SOS1: variants seen among roughly 807,000 people sequenced by gnomAD.
SOS1 encodes the protein son of sevenless homolog 1.
Under a neutral mutation model 157.6 loss-of-function variants are expected in SOS1, and 25 were observed. That is an observed-to-expected ratio of 0.16 (90% CI 0.12 to 0.22). The LOEUF (loss-of-function observed/expected upper bound fraction) is 0.22. Ranked by LOEUF, SOS1 falls within the 10% of genes least tolerant of loss-of-function variation. SOS1 has a pLI of 1.00. For synonymous variants in SOS1, 528 were observed against 534.0 expected (o/e 0.99, Z 0.16); for missense variants, 1,237 against 1,599.1 (o/e 0.77, Z 3.86).
chr2:39,005,119 C>CACAT (rs1437030453), intron 17 of SOS1, among the ~76,000 whole-genome samples: 1 of 152,240 alleles, frequency 6.6e-6, no homozygotes, highest in South Asian at 2.1e-4. Context: ...CATACATATA[C>CACAT]ACATACATAC....
chr2:39,088,313 G>C (rs2148182886), intron 1 of SOS1, among the ~76,000 whole-genome samples: 1 of 150,038 alleles, frequency 6.7e-6, no homozygotes, highest in African/African-American at 2.5e-5. Flanking sequence ...CGAAGGAAGT[G>C]ACTTTTTTTT....
Position 39,006,619 on chromosome 2 carries a change from A to AT in SOS1, c.2674-91_2674-90insA, listed in dbSNP as rs1669290651. ...TAGGCTAACAGAAACGCCCAAATAC[A>AT]ACAGTATCAATTTGATTTTATGACT... is the stretch of plus-strand genomic sequence containing the variant. On this transcript the variant is annotated intron_variant, in intron 16 of 22. Coordinates refer to ENST00000402219, the MANE Select transcript of SOS1 (RefSeq NM_005633.4). The AT allele has an allele frequency of 2.4e-5, 18 of 755,102 alleles. No homozygotes were observed. In the South Asian group the frequency reaches 2.6e-4, roughly 11 times the overall value. 46.8% of individuals were successfully genotyped at this position (755,102 alleles called of 1,614,324 possible).
chr2:39,104,810 C>CACAA lies in SOS1; in HGVS notation c.87+15522_87+15525dup, dbSNP rs1217721706. ...ATTATACTAAATGAAAGTAGTCAGACACAAAAATACAAATATTTTATTATT... is the reference window on the plus strand; with the variant it reads ...ATTATACTAAATGAAAGTAGTCAGACACAAACAAAAATACAAATATTTTATTATT... On this transcript the variant is annotated intron_variant, in intron 1 of 22. Transcript: ENST00000402219. Among the ~76,000 whole-genome samples the CACAA allele has an allele frequency of 5.7e-4, 87 of 152,218 alleles. 1 individual carries two copies. Among genetic ancestry groups the CACAA allele is most frequent in the African/African-American group, 2.0e-3 (85 of 41,534 alleles).
intron 1 of SOS1, among the ~76,000 whole-genome samples, chr2:39,094,258 T>C (rs1166738870): frequency 1.3e-5 from 2 of 152,194 alleles, no homozygotes; most frequent in Non-Finnish European, 2.9e-5. Context: ...TATTTTTAAA[T>C]AAATCAGTAA....
rs369849279 is a variant in SOS1 at position 38,986,859 on chromosome 2, T to G, written c.3511-544A>C. Among the ~76,000 whole-genome samples, 129 of 152,354 alleles carry G rather than the reference T, an allele frequency of 8.5e-4. 3 individuals carry two copies. In the South Asian group the frequency reaches 0.026, roughly 30 times the overall value. On this transcript the variant is annotated intron_variant, in intron 22 of 22. Coordinates refer to ENST00000402219, the MANE Select transcript of SOS1 (RefSeq NM_005633.4). ...CTATTTTATAATTTTAAGTTAACTA[T>G]GTTAACATTCATGAAGTTCTACAAA...
chr2:39,061,025 C>G (rs1232817777), intron 2 of SOS1, among the ~76,000 whole-genome samples: 3 of 151,522 alleles, frequency 2.0e-5, no homozygotes, highest in Non-Finnish European at 2.9e-5. Flanking sequence ...AACAGCAACC[C>G]CTGTCCATAT....
chr2:39,013,417 T>G (rs1669530228), intron 13 of SOS1, 43 bp downstream of exon 13: 1 of 1,127,056 alleles, frequency 8.9e-7, no homozygotes, highest in Non-Finnish European at 1.4e-6. Flanking sequence ...GTGTTGGTAC[T>G]TTTATTACAT....
chr2:39,026,344 G>C (rs1297175767), intron 8 of SOS1, among the ~76,000 whole-genome samples: 4 of 114,960 alleles, frequency 3.5e-5, no homozygotes, highest in African/African-American at 1.1e-4. Context: ...AACAGAGTGA[G>C]ACTCCGTCTC....
chr2:39,021,547 AT>A (rs67315390), intron 10 of SOS1, among the ~76,000 whole-genome samples: 10,503 of 131,758 alleles, frequency 0.08, 1,283 homozygotes, highest in African/African-American at 0.27. Flanking sequence ...AAAAAAAAAA[AT>A]TAAAACTTCT....
intron 1 of SOS1, among the ~76,000 whole-genome samples, chr2:39,118,362 A>G (rs1403577387): frequency 1.3e-5 from 2 of 152,242 alleles, no homozygotes; most frequent in Non-Finnish European, 2.9e-5. Flanking sequence ...CCAGCAGGCA[A>G]GTAAAAACGT....
intron 17 of SOS1, among the ~76,000 whole-genome samples, chr2:38,997,799 A>G (rs188598342): frequency 6.6e-6 from 1 of 152,262 alleles, no homozygotes; most frequent in African/African-American, 2.4e-5. Flanking sequence ...CCTCCAAGCC[A>G]TTGTTATTTG....
chr2:39,120,947 TG>T lies in SOS1; in HGVS notation c.-526del. 1 of 167,378 alleles carries T rather than the reference TG, an allele frequency of 6.0e-6. No individual in the cohort carries two copies. The highest frequency in any genetic ancestry group is 1.3e-5 in the Non-Finnish European group (1 of 79,500). 10.4% of individuals were successfully genotyped at this position (167,378 alleles called of 1,614,324 possible). A position where few individuals can be genotyped will look rare whatever the true frequency, so the allele number is the denominator to read the frequency against. On this transcript the variant is annotated 5_prime_UTR_variant, in exon 1 of 23. Coordinates refer to ENST00000402219, the MANE Select transcript of SOS1 (RefSeq NM_005633.4). ...AAGGGGAAGGACCGGAGGTCGTTGTTGGGGAATCTGGCTGCCCTGAGGTGCC... is the reference window on the plus strand; with the variant it reads ...AAGGGGAAGGACCGGAGGTCGTTGTTGGGAATCTGGCTGCCCTGAGGTGCC...
At chr2:39,105,065 T>C (rs1377518228) in intron 1 of SOS1, among the ~76,000 whole-genome samples, 3 of 152,180 alleles carry the variant, frequency 2.0e-5, no homozygotes, top group African/African-American at 7.2e-5. Context: ...AAATGTTCTA[T>C]AGAAATCAGC....
intron 1 of SOS1, among the ~76,000 whole-genome samples, chr2:39,110,488 T>A (rs1440823526): frequency 1.3e-5 from 2 of 152,000 alleles, no homozygotes; most frequent in African/African-American, 4.8e-5. Flanking sequence ...AGAAAATCTC[T>A]TCAACAGGCT....
intron 1 of SOS1, among the ~76,000 whole-genome samples, chr2:39,070,314 T>C (rs932287123): frequency 1.3e-5 from 2 of 152,236 alleles, no homozygotes; most frequent in Admixed American, 6.5e-5. Context: ...AGGCTATTTC[T>C]ATCTGGTTCT....
At chr2:39,015,016 A>T (rs1427407643) in intron 10 of SOS1, among the ~76,000 whole-genome samples, 170 bp from the exon 11 acceptor site, 3 of 152,062 alleles carry the variant, frequency 2.0e-5, no homozygotes, top group African/African-American at 4.8e-5. Flanking sequence ...GTGCCTCCTA[A>T]ATTAGTGGTG....
intron 6 of SOS1, among the ~76,000 whole-genome samples, chr2:39,049,730 C>T (rs1670929556): frequency 6.6e-6 from 1 of 152,130 alleles, no homozygotes; most frequent in Admixed American, 6.5e-5. Flanking sequence ...CTTAAAATGA[C>T]TTTGCGGGTT....
At chr2:39,102,719 T>G (rs984628671) in intron 1 of SOS1, among the ~76,000 whole-genome samples, 27 of 151,910 alleles carry the variant, frequency 1.8e-4, no homozygotes, top group South Asian at 4.1e-4. Flanking sequence ...CTGAGGCTGG[T>G]GGATCACTTG....
chr2:38,994,127 T>C (rs1668818278), intron 20 of SOS1, among the ~76,000 whole-genome samples: 1 of 152,206 alleles, frequency 6.6e-6, no homozygotes, highest in Non-Finnish European at 1.5e-5. Context: ...CGCTGGATTT[T>C]AAAGATTTAG....
Sources: allele counts gnomAD v4.1 joint callset (sites outside exome capture counted in the v4.1 genomes callset), GRCh38; gene constraint gnomAD v4.1.1; transcripts MANE v1.5; gene names NCBI Gene and HGNC (gene_info 2026-07-23, HGNC 2026-07-21).